The following RTTN variants were observed in gnomAD, a reference collection of about 807,000 sequenced individuals.
RTTN encodes rotatin.
In RTTN, 182 loss-of-function variants were observed where a neutral mutation model predicts 269.2. The ratio of observed to expected loss-of-function variants is 0.68; its 90% CI spans 0.60 to 0.76. The LOEUF is 0.76. Among genes scored for constraint, RTTN ranks in the 30% least tolerant of loss-of-function variants. The pLI, the probability that RTTN is intolerant of heterozygous loss-of-function variation, is 0.00. For missense variants in RTTN, 2,545 were observed against 2,608.6 expected (o/e 0.98, Z 0.53); for synonymous variants, 1,006 against 963.5 (o/e 1.04, Z -0.82).
Position 70,201,603 on chromosome 18 carries a change from A to G in RTTN, c.487+291T>C, listed in dbSNP as rs1260902116. Among the ~76,000 whole-genome samples, 51 of 81,416 alleles carry G rather than the reference A, an allele frequency of 6.3e-4. No individual in the cohort carries two copies. In the South Asian group the frequency reaches 0.016, roughly 26 times the overall value. 53.4% of individuals were successfully genotyped at this position (81,416 alleles called of 152,430 possible). ...AGCCTGGGCGACAGAGCGAGACTCC[A>G]TCTCAAAAAAAAAAAAAAAAAAAAA... is the stretch of plus-strand genomic sequence containing the variant. On this transcript the variant is annotated intron_variant, in intron 4 of 48. Transcript: ENST00000640769.
At position 70,028,643 on chromosome 18, in the gene RTTN, CCTA is replaced by C. The variant is rs575415743; in HGVS notation, c.5823+78_5823+80del. ...TTAAAAGTCAGAGCTTTCCATTTTT[CCTA>C]CTACATTATCTCACATAAAAATTAA... On this transcript the variant is annotated intron_variant, in intron 43 of 48. Transcript: ENST00000640769. The C allele has an allele frequency of 8.2e-3, 6,139 of 749,190 alleles. 37 individuals carry two copies. Among genetic ancestry groups the C allele is most frequent in the Middle Eastern group, 0.017 (44 of 2,558 alleles). The allele number at this position is 749,190 out of a possible 1,614,324, so 46.4% of individuals were successfully genotyped here.
chr18:70,177,202 C>T (rs2061324110), intron 10 of RTTN, among the ~76,000 whole-genome samples: 1 of 152,142 alleles, frequency 6.6e-6, no homozygotes, highest in Non-Finnish European at 1.5e-5. Context: ...GCAAACCCCT[C>T]GTCAAGTATT....
At chr18:70,005,173 T>A in intron 48 of RTTN, 25 bp downstream of exon 48, 1 of 1,558,076 alleles carries the variant, frequency 6.4e-7, no homozygotes, top group Non-Finnish European at 8.8e-7. Context: ...AGTTTAACTA[T>A]AATCTCTTTC....
chr18:70,061,502 ATACG>A (rs2057985268), intron 35 of RTTN: 2 of 442,730 alleles, frequency 4.5e-6, no homozygotes, highest in Admixed American at 4.9e-5. Flanking sequence ...GTGTGTGTAT[ATACG>A]TATGCATGCA....
intron 43 of RTTN, among the ~76,000 whole-genome samples, chr18:70,027,079 T>TTC (rs879611686): frequency 1.3e-4 from 20 of 152,230 alleles, no homozygotes; most frequent in Non-Finnish European, 2.6e-4. Flanking sequence ...CCTACCCTCC[T>TTC]TCTCCTTTCT....
chr18:70,193,238 A>G (rs1211184095), intron 8 of RTTN, 50 bp downstream of exon 8: 1 of 1,508,072 alleles, frequency 6.6e-7, no homozygotes, highest in Non-Finnish European at 9.0e-7. Flanking sequence ...TAACACACAC[A>G]CAAGTTAACC....
intron 17 of RTTN, among the ~76,000 whole-genome samples, chr18:70,147,526 C>T (rs1305659400): frequency 1.3e-5 from 2 of 152,224 alleles, no homozygotes; most frequent in Admixed American, 6.5e-5. Context: ...TGTCATTAAG[C>T]AACGCATGAC....
intron 14 of RTTN, among the ~76,000 whole-genome samples, chr18:70,156,691 A>C (rs1200599963): frequency 6.6e-6 from 1 of 152,090 alleles, no homozygotes; most frequent in Non-Finnish European, 1.5e-5. Context: ...CCAGCTTTAA[A>C]ATTTCCCTCT....
At chr18:70,038,422 CTGTT>C (rs1430302546) in intron 40 of RTTN, among the ~76,000 whole-genome samples, 2 of 152,152 alleles carry the variant, frequency 1.3e-5, no homozygotes, top group African/African-American at 4.8e-5. Flanking sequence ...GAGAGAGACT[CTGTT>C]TGTTTGGGAG....
intron 16 of RTTN, among the ~76,000 whole-genome samples, chr18:70,149,336 C>G (rs111909345): frequency 3.9e-5 from 6 of 152,062 alleles, no homozygotes; most frequent in African/African-American, 1.4e-4. Flanking sequence ...GGTGAAGCAC[C>G]TCACAGATCC....
chr18:70,021,979 A>T (rs1196712231), intron 44 of RTTN, among the ~76,000 whole-genome samples: 1 of 152,172 alleles, frequency 6.6e-6, no homozygotes, highest in Non-Finnish European at 1.5e-5. Flanking sequence ...AAGAAAGTAC[A>T]AAAACTTGCT....
intron 46 of RTTN, among the ~76,000 whole-genome samples, chr18:70,012,640 G>T (rs1599098476): frequency 6.7e-6 from 1 of 149,438 alleles, no homozygotes; most frequent in South Asian, 2.2e-4. Context: ...ATTAGTTACA[G>T]CACAGTGTCT....
At chr18:70,026,597 C>G (rs2056860866) in intron 43 of RTTN, among the ~76,000 whole-genome samples, 1 of 152,168 alleles carries the variant, frequency 6.6e-6, no homozygotes, top group South Asian at 2.1e-4. Flanking sequence ...AATTAAACCT[C>G]TTTTCTTTAA....
In RTTN at chr18:70,020,962, G is replaced by A. The variant is rs1351389061; in HGVS notation, c.5951-145C>T. On this transcript the variant is annotated intron_variant, in intron 44 of 48. Coordinates refer to ENST00000640769, the MANE Select transcript of RTTN (RefSeq NM_173630.4). ...AAATTAGCAATGGAGGCTAATGTTG[G>A]TGTCTACAGTCAACCTAATAGATAT... 14 of 626,772 alleles carry A rather than the reference G, an allele frequency of 2.2e-5. No homozygotes were observed. In the East Asian group the frequency reaches 3.6e-4, roughly 16 times the overall value. 38.8% of individuals were successfully genotyped at this position (626,772 alleles called of 1,614,324 possible). A position where few individuals can be genotyped will look rare whatever the true frequency, so the allele number is the denominator to read the frequency against.
At chr18:70,196,696 A>T in intron 6 of RTTN, 48 bp from the exon 7 acceptor site, 1 of 1,563,234 alleles carries the variant, frequency 6.4e-7, no homozygotes, top group Non-Finnish European at 8.7e-7. Flanking sequence ...CAAAGAGCTC[A>T]ACTTCAAAGC....
rs1160958155 is a variant in RTTN at position 70,054,161 on chromosome 18, T to G, written c.5155A>C (p.Ile1719Leu). The G allele has an allele frequency of 6.2e-7, 1 of 1,613,550 alleles. No homozygotes were observed. The highest frequency in any genetic ancestry group is 2.2e-5 in the East Asian group (1 of 44,854). Residue 1719 changes from isoleucine to leucine, a missense_variant, in exon 38 of 49, where the codon ATT becomes CTT. Coordinates refer to ENST00000640769, the MANE Select transcript of RTTN (RefSeq NM_173630.4). ...ACATCTTTGGTACATATGGTGAGAA[T>G]TCCAATGATATTGGTGATAAGAGGT... The part of the protein sequence containing the change: ...VKPLITNIIG[I>L]LTICTKDVLD...
chr18:70,129,542 A>G (rs1021241506), intron 23 of RTTN: 5 of 152,022 alleles, frequency 3.3e-5, no homozygotes, highest in African/African-American at 1.2e-4. Context: ...AGTCTCTTCA[A>G]TGAATGGTAC....
chr18:70,046,538 T>C, intron 40 of RTTN, among the ~76,000 whole-genome samples: 1 of 152,216 alleles, frequency 6.6e-6, no homozygotes, highest in East Asian at 1.9e-4. Context: ...CAACATTCTT[T>C]AAAGTGCAAA....
At chr18:70,100,253 C>T (rs142248688) in intron 28 of RTTN, among the ~76,000 whole-genome samples, 151,941 of 152,274 alleles carry the variant, frequency 1, 75,807 homozygotes, top group Middle Eastern at 1. Context: ...TCTTTTATTT[C>T]CTTGAGCAGT....
Sources: allele counts gnomAD v4.1 joint callset (sites outside exome capture counted in the v4.1 genomes callset), GRCh38; gene constraint gnomAD v4.1.1; transcripts MANE v1.5; gene names NCBI Gene and HGNC (gene_info 2026-07-23, HGNC 2026-07-21).